Variants in MYO3B observed in about 807,000 individuals in gnomAD.
MYO3B encodes the protein myosin IIIB, also known as myosin-IIIb.
In MYO3B, 156 loss-of-function variants were observed where a neutral mutation model predicts 174.6. The ratio of observed to expected loss-of-function variants is 0.89; its 90% CI spans 0.78 to 1.02. The LOEUF is 1.02. MYO3B is among the 50% of genes least tolerant of loss of function. The pLI is 0.00. For synonymous variants in MYO3B, 563 were observed against 569.1 expected (o/e 0.99, Z 0.15); for missense variants, 1,632 against 1,639.4 (o/e 1.00, Z 0.08).
At chr2:170,453,672 T>C (rs1683742828) in intron 23 of MYO3B, among the ~76,000 whole-genome samples, 1 of 152,208 alleles carries the variant, frequency 6.6e-6, no homozygotes, top group Non-Finnish European at 1.5e-5. Context: ...TTCTGTTTTA[T>C]GGAACCATAG....
chr2:170,274,404 C>T (rs1237898633), intron 7 of MYO3B, among the ~76,000 whole-genome samples: 1 of 152,124 alleles, frequency 6.6e-6, no homozygotes, highest in Non-Finnish European at 1.5e-5. Context: ...AAGCAGGTTT[C>T]TTTTCAGTGC....
intron 32 of MYO3B, among the ~76,000 whole-genome samples, chr2:170,589,506 G>C (rs1410056822): frequency 6.6e-6 from 1 of 151,934 alleles, no homozygotes; most frequent in East Asian, 1.9e-4. Context: ...TCTTGTGTAG[G>C]CCTAGGTTAA....
In MYO3B at chr2:170,371,973, A is replaced by AAAAATT. The variant is rs1171631875; in HGVS notation, c.971+2598_971+2603dup. ...TTAAATAAATAATAAAAAATAAAAG[A>AAAAATT]AAAATTAGCCGTGCATGGTGGCACA... On this transcript the variant is annotated intron_variant, in intron 9 of 34. Transcript: ENST00000408978. Among the ~76,000 whole-genome samples, 7 of 151,520 alleles carry AAAAATT rather than the reference A, an allele frequency of 4.6e-5. No individual in the cohort carries two copies. In the East Asian group the frequency reaches 9.7e-4, roughly 21 times the overall value.
chr2:170,481,462 A>C (rs190357735), intron 25 of MYO3B, among the ~76,000 whole-genome samples: 1 of 152,202 alleles, frequency 6.6e-6, no homozygotes, highest in Non-Finnish European at 1.5e-5. Flanking sequence ...CTGTGGTCCT[A>C]GCTACTTGGT....
At chr2:170,230,371 C>T (rs1375240304) in intron 6 of MYO3B, among the ~76,000 whole-genome samples, 7 of 59,712 alleles carry the variant, frequency 1.2e-4, no homozygotes, top group Admixed American at 2.5e-4. Flanking sequence ...TTAGTAGAGA[C>T]GGGGTTTCAC....
chr2:170,491,701 A>G (rs1686494522), intron 25 of MYO3B, among the ~76,000 whole-genome samples: 1 of 152,250 alleles, frequency 6.6e-6, no homozygotes, highest in South Asian at 2.1e-4. Context: ...CTGGGATTAC[A>G]GGCATGAGCC....
intron 25 of MYO3B, among the ~76,000 whole-genome samples, chr2:170,482,159 CT>C (rs571671660): frequency 2.4e-3 from 344 of 143,600 alleles, no homozygotes; most frequent in East Asian, 2.6e-3. Context: ...AGTTCTCTCT[CT>C]TTTTTTTTTT....
intron 8 of MYO3B, among the ~76,000 whole-genome samples, chr2:170,348,895 T>G (rs575084308): frequency 1.3e-5 from 2 of 152,346 alleles, no homozygotes; most frequent in East Asian, 3.9e-4. Flanking sequence ...CATTCCATCT[T>G]ATAGGGGCCA....
chr2:170,509,793 A>G (rs1274170129), intron 28 of MYO3B, among the ~76,000 whole-genome samples: 1 of 44,356 alleles, frequency 2.3e-5, no homozygotes, highest in Non-Finnish European at 3.9e-5. Flanking sequence ...GGAGCTAAAT[A>G]TCACCAGATT....
At chr2:170,307,046 G>C (rs911036462) in intron 7 of MYO3B, among the ~76,000 whole-genome samples, 2 of 151,690 alleles carry the variant, frequency 1.3e-5, no homozygotes, top group Non-Finnish European at 2.9e-5. Flanking sequence ...TTTCCAGCCT[G>C]GGCAACATAG....
intron 22 of MYO3B, among the ~76,000 whole-genome samples, chr2:170,422,512 G>A (rs1266893993): frequency 6.7e-6 from 1 of 150,052 alleles, no homozygotes; most frequent in Non-Finnish European, 1.5e-5. Flanking sequence ...AGGCTGGAGT[G>A]CAGTGGCTCG....
At chr2:170,501,705 G>A in intron 27 of MYO3B, 80 bp from the exon 28 acceptor site, 1 of 920,542 alleles carries the variant, frequency 1.1e-6, no homozygotes, top group Non-Finnish European at 1.8e-6. Context: ...CAATAGGCTG[G>A]AGGGGAAAAC....
intron 28 of MYO3B, among the ~76,000 whole-genome samples, chr2:170,506,693 C>G (rs1687641591): frequency 6.6e-6 from 1 of 152,152 alleles, no homozygotes. Flanking sequence ...AAATCTAAAA[C>G]AATACAAAGA....
chr2:170,242,512 G>T lies in MYO3B; in HGVS notation c.749+6376G>T, dbSNP rs1352826519. Reference sequence around the variant, plus strand: ...ACATTGCCAAATTATTTTTAAATTCGAGTTGAGCAGCTGGGGCCATTCAGT... The same window carrying T: ...ACATTGCCAAATTATTTTTAAATTCTAGTTGAGCAGCTGGGGCCATTCAGT... On this transcript the variant is annotated intron_variant, in intron 7 of 34. Coordinates refer to ENST00000408978, the MANE Select transcript of MYO3B (RefSeq NM_138995.5). Among the ~76,000 whole-genome samples the T allele has an allele frequency of 2.6e-5, 4 of 152,128 alleles. 1 individual carries two copies. The highest frequency in any genetic ancestry group is 2.6e-4 in the Admixed American group (4 of 15,282).
At chr2:170,219,217 C>T (rs2092864387) in intron 6 of MYO3B, among the ~76,000 whole-genome samples, 1 of 152,226 alleles carries the variant, frequency 6.6e-6, no homozygotes, top group Admixed American at 6.5e-5. Flanking sequence ...TCCTTAGACC[C>T]TCCCTTAATA....
chr2:170,245,384 G>A (rs1406225172), intron 7 of MYO3B, among the ~76,000 whole-genome samples: 2 of 152,178 alleles, frequency 1.3e-5, no homozygotes, highest in Non-Finnish European at 2.9e-5. Flanking sequence ...AGACCATCTT[G>A]CATGAAACAT....
intron 32 of MYO3B, among the ~76,000 whole-genome samples, chr2:170,555,556 T>C (rs1575158766): frequency 6.6e-6 from 1 of 152,160 alleles, no homozygotes; most frequent in African/African-American, 2.4e-5. Flanking sequence ...CATTTCTGAT[T>C]GACTTCTTTC....
chr2:170,476,718 G>A lies in MYO3B; in HGVS notation c.3014+10007G>A, dbSNP rs544729395. On this transcript the variant is annotated intron_variant, in intron 25 of 34. Coordinates refer to ENST00000408978, the MANE Select transcript of MYO3B (RefSeq NM_138995.5). ...GGGTGCAAAATAGGGGATGTGGTGG[G>A]CCCAAAGGCAATTTTTTGGGTGCAA... is the stretch of plus-strand genomic sequence containing the variant. 6.6e-5 allele frequency among the ~76,000 whole-genome samples: 10 copies of A among 152,092 alleles called. No individual in the cohort carries two copies. In the South Asian group the frequency reaches 1.7e-3, roughly 25 times the overall value.
At chr2:170,411,098 C>T (rs533578512) in intron 22 of MYO3B, among the ~76,000 whole-genome samples, 5 of 152,168 alleles carry the variant, frequency 3.3e-5, no homozygotes, top group Non-Finnish European at 7.3e-5. Context: ...TGACAGTTAA[C>T]TTGAGGTTTT....
Sources: allele counts gnomAD v4.1 joint callset (sites outside exome capture counted in the v4.1 genomes callset), GRCh38; gene constraint gnomAD v4.1.1; transcripts MANE v1.5; gene names NCBI Gene and HGNC (gene_info 2026-07-23, HGNC 2026-07-21).